STRN3: variants seen among roughly 807,000 people sequenced by gnomAD.
The protein encoded by STRN3 is striatin 3, also known as striatin-3.
A neutral mutation model predicts 95.6 loss-of-function variants in STRN3; 29 were observed. The ratio of observed to expected loss-of-function variants is 0.30; its 90% CI spans 0.23 to 0.41. The LOEUF is 0.41. STRN3 is among the 10% of genes least tolerant of loss of function. The pLI is 1.00. For synonymous variants in STRN3, 331 were observed against 357.6 expected, an observed-to-expected ratio of 0.93 and a Z score of 0.84; for missense variants, 890 against 972.1, an observed-to-expected ratio of 0.92 and a Z score of 1.12.
At chr14:30,920,320 T>G (rs1896848475) in intron 8 of STRN3, among the ~76,000 whole-genome samples, 1 of 152,120 alleles carries the variant, frequency 6.6e-6, no homozygotes, top group Admixed American at 6.6e-5. Flanking sequence ...CTAATAATAA[T>G]GAAGAAACTC....
intron 1 of STRN3, among the ~76,000 whole-genome samples, chr14:30,972,381 G>A (rs1325586151): frequency 6.6e-6 from 1 of 152,182 alleles, no homozygotes; most frequent in Non-Finnish European, 1.5e-5. Context: ...TGACACAGCA[G>A]CAAGGGGCCA....
At chr14:30,927,930 CAAAAAA>C (rs56216107) in intron 8 of STRN3, among the ~76,000 whole-genome samples, 14 of 85,072 alleles carry the variant, frequency 1.6e-4, no homozygotes, top group East Asian at 3.3e-4. Context: ...GAGACTCCGT[CAAAAAA>C]AAAAAAAAAA....
chr14:30,936,447 C>T, intron 6 of STRN3, 48 bp downstream of exon 6: 3 of 1,558,472 alleles, frequency 1.9e-6, no homozygotes, highest in South Asian at 1.2e-5. Flanking sequence ...ATTCCCATTC[C>T]AACTACATGA....
At chr14:30,898,302 T>A (rs1896212106) in intron 16 of STRN3, among the ~76,000 whole-genome samples, 1 of 152,170 alleles carries the variant, frequency 6.6e-6, no homozygotes, top group Non-Finnish European at 1.5e-5. Flanking sequence ...AATTCACAGA[T>A]CTAGTTCAAA....
At chr14:30,971,579 TAGG>T (rs1880828808) in intron 1 of STRN3, among the ~76,000 whole-genome samples, 1 of 152,044 alleles carries the variant, frequency 6.6e-6, no homozygotes, top group Non-Finnish European at 1.5e-5. Flanking sequence ...CTTAGGAAAA[TAGG>T]ATAGCCTTAG....
chr14:30,945,049 TTTTC>T (rs1440307052), intron 5 of STRN3, among the ~76,000 whole-genome samples: 1 of 152,198 alleles, frequency 6.6e-6, no homozygotes, highest in African/African-American at 2.4e-5. Flanking sequence ...TTTTTCCCCA[TTTTC>T]TTTGTCTTTC....
chr14:30,909,118 T>G (rs1466251422), intron 13 of STRN3, among the ~76,000 whole-genome samples: 1 of 152,204 alleles, frequency 6.6e-6, no homozygotes, highest in Non-Finnish European at 1.5e-5. Context: ...GCTGTAAAAC[T>G]TTGTGAATGT....
At chr14:30,953,140 T>C (rs1471244504) in intron 3 of STRN3, among the ~76,000 whole-genome samples, 1 of 152,212 alleles carries the variant, frequency 6.6e-6, no homozygotes, top group African/African-American at 2.4e-5. Context: ...AATGTTGAAA[T>C]TAGTTTCCAT....
intron 1 of STRN3, among the ~76,000 whole-genome samples, chr14:31,018,031 T>C (rs1883324050): frequency 2.0e-5 from 3 of 150,104 alleles, no homozygotes; most frequent in African/African-American, 4.9e-5. Context: ...TGAGCCGGGA[T>C]TGCGCCCACT....
At chr14:31,013,607 A>AT (rs1883073463) in intron 1 of STRN3, among the ~76,000 whole-genome samples, 12 of 151,604 alleles carry the variant, frequency 7.9e-5, no homozygotes. Context: ...TCAAAATATA[A>AT]TTTTTTTTAA....
At chr14:30,941,886 A>G (rs1879111211) in intron 5 of STRN3, among the ~76,000 whole-genome samples, 2 of 151,794 alleles carry the variant, frequency 1.3e-5, no homozygotes, top group East Asian at 1.9e-4. Flanking sequence ...TCAGCCTCCC[A>G]AAGTGCTGGG....
intron 9 of STRN3, among the ~76,000 whole-genome samples, chr14:30,918,522 GAA>G (rs5807607): frequency 2.0e-5 from 3 of 148,722 alleles, no homozygotes; most frequent in Admixed American, 1.3e-4. Context: ...GAAAAAAAAA[GAA>G]AAAAAAAAAG....
chr14:30,966,150 A>G (rs1459832304), intron 1 of STRN3, among the ~76,000 whole-genome samples: 1 of 152,124 alleles, frequency 6.6e-6, no homozygotes, highest in South Asian at 2.1e-4. Context: ...CTGTGCATCC[A>G]ATCGGAATTA....
intron 4 of STRN3, among the ~76,000 whole-genome samples, chr14:30,950,516 C>G (rs1425870284): frequency 6.6e-6 from 1 of 152,186 alleles, no homozygotes; most frequent in East Asian, 1.9e-4. Flanking sequence ...ATGAATTCAA[C>G]TAAATTCATT....
At chr14:30,932,896 T>G (rs997857740) in intron 7 of STRN3, among the ~76,000 whole-genome samples, 2 of 152,236 alleles carry the variant, frequency 1.3e-5, no homozygotes, top group Non-Finnish European at 2.9e-5. Flanking sequence ...ATTTTCTTTT[T>G]AATGAAAATA....
rs1896060197 is a variant in STRN3, at chr14:30,893,945, ATGTT to A, written c.*1462_*1465del. 1 of 152,620 alleles carries A rather than the reference ATGTT, an allele frequency of 6.6e-6. No homozygotes were observed. The highest frequency in any genetic ancestry group is 2.1e-4 in the South Asian group (1 of 4,832). 9.5% of individuals were successfully genotyped at this position (152,620 alleles called of 1,614,324 possible). A position where few individuals can be genotyped will look rare whatever the true frequency, so the allele number is the denominator to read the frequency against. The stretch of plus-strand genomic sequence containing the variant: ...ATATACATTATTTTTCAACAGCTGT[ATGTT>A]TGCTATGTGGTACAATCTTAAAAAT... On this transcript the variant is annotated 3_prime_UTR_variant, in exon 18 of 18. Transcript: ENST00000357479.
At chr14:30,996,889 T>A (rs1174429822) in intron 1 of STRN3, among the ~76,000 whole-genome samples, 5 of 151,656 alleles carry the variant, frequency 3.3e-5, no homozygotes, top group African/African-American at 1.2e-4. Context: ...TTGTAATGTA[T>A]CAGGTATTTG....
At chr14:30,949,907 C>T (rs1386934166) in intron 4 of STRN3, among the ~76,000 whole-genome samples, 1 of 152,100 alleles carries the variant, frequency 6.6e-6, no homozygotes, top group East Asian at 1.9e-4. Flanking sequence ...ACTATGAATA[C>T]ATAATAGTAT....
chr14:30,919,820 G>A (rs1566435738), intron 8 of STRN3, among the ~76,000 whole-genome samples: 4 of 152,022 alleles, frequency 2.6e-5, no homozygotes, highest in African/African-American at 7.2e-5. Context: ...GGATAATTCA[G>A]GCCAAAATAT....
Sources: gnomAD v4.1 joint callset for allele counts (sites outside exome capture counted in the v4.1 genomes callset) on GRCh38, gnomAD v4.1.1 for gene constraint, MANE v1.5 for transcripts, NCBI Gene and HGNC (gene_info 2026-07-23, HGNC 2026-07-21) for gene names.